GMEB1: variants seen among roughly 807,000 people sequenced by gnomAD.
The protein encoded by GMEB1 is glucocorticoid modulatory element-binding protein 1.
GMEB1 carries 6 observed loss-of-function variants against 52.4 expected under a neutral mutation model. The observed-to-expected ratio is 0.11, with a 90% CI of 0.06 to 0.23. GMEB1 has a LOEUF of 0.23. Ranked by LOEUF, GMEB1 falls within the 10% of genes least tolerant of loss-of-function variation. The pLI is 1.00. For missense variants in GMEB1, 486 were observed against 685.6 expected, an observed-to-expected ratio of 0.71 and a Z score of 3.25; for synonymous variants, 255 against 244.9, an observed-to-expected ratio of 1.04 and a Z score of -0.38.
chr1:28,697,577 A>G (rs1670285826), intron 6 of GMEB1, among the ~76,000 whole-genome samples: 1 of 152,168 alleles, frequency 6.6e-6, no homozygotes, highest in African/African-American at 2.4e-5. Flanking sequence ...GTAATCTTGG[A>G]TGGGATTCCA....
intron 1 of GMEB1, among the ~76,000 whole-genome samples, chr1:28,674,378 C>T (rs1042097167): frequency 6.6e-6 from 1 of 152,106 alleles, no homozygotes; most frequent in African/African-American, 2.4e-5. Context: ...CAAAAAACTA[C>T]GGAACAGTTA....
chr1:28,700,280 A>T (rs933564440), intron 6 of GMEB1, among the ~76,000 whole-genome samples: 1 of 151,970 alleles, frequency 6.6e-6, no homozygotes, highest in Non-Finnish European at 1.5e-5. Flanking sequence ...TGGGAGGCCG[A>T]GGCTGGCAGA....
Position 28,708,741 on chromosome 1 carries a change from C to T in GMEB1, c.869-1779C>T, listed in dbSNP as rs61786049. On this transcript the variant is annotated intron_variant, in intron 8 of 9. Coordinates refer to ENST00000373816, the MANE Select transcript of GMEB1 (RefSeq NM_001319674.2). ...CTGGGATTACAGATGGGAGCCACCA[C>T]GCCCAGCACTCTGGGAGGCTGAAGC... Among the ~76,000 whole-genome samples, 409 of 152,216 alleles carry T rather than the reference C, an allele frequency of 2.7e-3. 3 individuals are homozygous for T. The highest frequency in any genetic ancestry group is 9.5e-3 in the East Asian group (49 of 5,168).
chr1:28,703,222 A>G (rs1008682905), intron 7 of GMEB1, among the ~76,000 whole-genome samples: 3 of 152,178 alleles, frequency 2.0e-5, no homozygotes, highest in Non-Finnish European at 4.4e-5. Flanking sequence ...ATAGGTGGCA[A>G]GTGTTGTAGA....
chr1:28,670,953 G>A (rs1247589011), intron 1 of GMEB1, among the ~76,000 whole-genome samples: 1 of 152,084 alleles, frequency 6.6e-6, no homozygotes, highest in African/African-American at 2.4e-5. Flanking sequence ...TTTTGGTCTT[G>A]CCCTAAGCCA....
chr1:28,679,166 G>A (rs1192878372), intron 1 of GMEB1, among the ~76,000 whole-genome samples: 2 of 150,960 alleles, frequency 1.3e-5, no homozygotes, highest in African/African-American at 2.4e-5. Context: ...TCACAGGCAT[G>A]AGCCACCACA....
Position 28,683,646 on chromosome 1 carries a change from G to A in GMEB1, c.34G>A (p.Asp12Asn), listed in dbSNP as rs1332474507. Residue 12 changes from aspartate to asparagine, a missense_variant, in exon 2 of 10, where the codon GAT becomes AAT. Coordinates refer to ENST00000373816, the MANE Select transcript of GMEB1 (RefSeq NM_001319674.2). ...ANAEVSVPVG[D>N]VVVVPTEGNE... ...TGCAGAAGTGAGTGTCCCAGTGGGG[G>A]ATGTGGTTGTGGTACCTACTGAAGG... 3.1e-6 allele frequency: 5 copies of A among 1,610,660 alleles called. No homozygotes were observed. The highest frequency in any genetic ancestry group is 3.4e-6 in the Non-Finnish European group (4 of 1,178,606).
At chr1:28,700,510 T>A (rs1372124189) in intron 6 of GMEB1, among the ~76,000 whole-genome samples, 7 of 102,854 alleles carry the variant, frequency 6.8e-5, no homozygotes, top group African/African-American at 2.7e-4. Context: ...CAAGACTCCA[T>A]CTCAAAAAAA....
chr1:28,691,432 G>T (rs1669958061), intron 3 of GMEB1, among the ~76,000 whole-genome samples, 153 bp from the exon 4 acceptor site: 1 of 152,186 alleles, frequency 6.6e-6, no homozygotes, highest in Non-Finnish European at 1.5e-5. Context: ...GGAAGAGATA[G>T]CTCTTAGGCC....
At chr1:28,693,496 C>T (rs1054396616) in intron 5 of GMEB1, among the ~76,000 whole-genome samples, 3 of 151,558 alleles carry the variant, frequency 2.0e-5, no homozygotes, top group African/African-American at 7.3e-5. Context: ...GGTTTACAGG[C>T]ATGAACCACC....
At chr1:28,701,172 G>A (rs760222425) in intron 6 of GMEB1, among the ~76,000 whole-genome samples, 1 of 151,564 alleles carries the variant, frequency 6.6e-6, no homozygotes, top group Non-Finnish European at 1.5e-5. Flanking sequence ...TCTTTTGCCC[G>A]ATGATTGATA....
intron 1 of GMEB1, among the ~76,000 whole-genome samples, chr1:28,681,362 C>T (rs149060933): frequency 3.8e-4 from 57 of 151,904 alleles, no homozygotes; most frequent in African/African-American, 1.3e-3. Flanking sequence ...AGCGAGACCG[C>T]GTCTCAAAAA....
chr1:28,672,164 G>A (rs190119176), intron 1 of GMEB1, among the ~76,000 whole-genome samples: 1 of 149,132 alleles, frequency 6.7e-6, no homozygotes, highest in East Asian at 2.0e-4. Flanking sequence ...AGAAAATCTC[G>A]TACTCATTTT....
At chr1:28,677,919 C>G (rs1215035061) in intron 1 of GMEB1, among the ~76,000 whole-genome samples, 1 of 152,006 alleles carries the variant, frequency 6.6e-6, no homozygotes, top group African/African-American at 2.4e-5. Context: ...CATGGTGGCT[C>G]ACGCTTGTAA....
intron 9 of GMEB1, among the ~76,000 whole-genome samples, chr1:28,711,480 G>A (rs1671059622): frequency 6.6e-6 from 1 of 151,932 alleles, no homozygotes; most frequent in African/African-American, 2.4e-5. Flanking sequence ...TTGAGACAGG[G>A]TCTCACTCTG....
Position 28,714,522 on chromosome 1 carries a change from A to G in GMEB1, c.1441A>G (p.Met481Val), listed in dbSNP as rs201431943. 2 of 1,614,168 alleles carry G rather than the reference A, an allele frequency of 1.2e-6. No individual in the cohort carries two copies. The highest frequency in any genetic ancestry group is 1.1e-5 in the South Asian group (1 of 91,084). ...GAGTACACTGGGCAACATGACCACC[A>G]TGGTTAGCCCTGTGGAATTGGTGGC... ...DGSTLGNMTT[M>V]VSPVELVAME... The change falls in exon 10 of 10, where the codon ATG becomes GTG. Residue 481 changes from methionine (M) to valine (V), a missense_variant. Around this residue, in one of 5 missense-constraint regions of GMEB1, gnomAD observed 153 missense variants for 200.8 expected, o/e 0.76. Coordinates refer to ENST00000373816, the MANE Select transcript of GMEB1 (RefSeq NM_001319674.2).
intron 1 of GMEB1, among the ~76,000 whole-genome samples, chr1:28,678,303 G>GTTTGTT (rs771003594): frequency 2.0e-5 from 3 of 149,504 alleles, no homozygotes; most frequent in African/African-American, 7.6e-5. Context: ...TAGTGTTTTT[G>GTTTGTT]TTTGTTTGTT....
intron 6 of GMEB1, among the ~76,000 whole-genome samples, chr1:28,699,449 A>G (rs80211662): frequency 6.6e-6 from 1 of 151,590 alleles, no homozygotes; most frequent in Non-Finnish European, 1.5e-5. Context: ...TTTTTTTTTA[A>G]GACAGAATCT....
chr1:28,704,896 C>G (rs959158739), intron 8 of GMEB1, among the ~76,000 whole-genome samples: 19 of 151,920 alleles, frequency 1.3e-4, no homozygotes, highest in African/African-American at 4.1e-4. Flanking sequence ...GCATGAGCCA[C>G]CGCTCCCAGC....
Sources: allele counts gnomAD v4.1 joint callset (sites outside exome capture counted in the v4.1 genomes callset), GRCh38; gene constraint gnomAD v4.1.1; regional missense constraint gnomAD v4.1.1; transcripts MANE v1.5; gene names NCBI Gene and HGNC (gene_info 2026-07-23, HGNC 2026-07-21).